SPRY3: variants seen among roughly 807,000 people sequenced by gnomAD.
SPRY3 encodes protein sprouty homolog 3.
SPRY3 carries 15 observed loss-of-function variants against 20.2 expected under a neutral mutation model. The ratio of observed to expected loss-of-function variants is 0.74; its 90% confidence interval spans 0.50 to 1.14. SPRY3 has a LOEUF of 1.14. SPRY3 is among the 50% of genes most tolerant of loss of function. The pLI is 0.00. For missense variants in SPRY3, 364 were observed against 363.9 expected (o/e 1.00, Z 0.00); for synonymous variants, 143 against 136.5 (o/e 1.05, Z -0.33).
intron 2 of SPRY3, among the ~76,000 whole-genome samples, chrX:155,753,234 C>T (rs2124584724): frequency 6.6e-6 from 1 of 152,000 alleles, no homozygotes; most frequent in Admixed American, 6.6e-5. Flanking sequence ...AAACCCTGTA[C>T]CCATTAGAAG....
chrX:155,725,587 A>T (rs1159119047), intron 2 of SPRY3, among the ~76,000 whole-genome samples: 1 of 152,140 alleles, frequency 6.6e-6, no homozygotes, highest in Non-Finnish European at 1.5e-5. Context: ...TTTCTTCTAG[A>T]TTTAATAGAT....
intron 2 of SPRY3, among the ~76,000 whole-genome samples, chrX:155,696,520 A>G (rs1455812939): frequency 8.9e-6 from 1 of 111,854 alleles, no homozygotes; most frequent in Non-Finnish European, 1.9e-5. Context: ...TTTCATTTGC[A>G]TAATCTTTTC....
rs762050828 is a variant in SPRY3, at chrX:155,767,372, C to G, written c.-281-590C>G. 3.9e-5 allele frequency among the ~76,000 whole-genome samples: 6 copies of G among 152,220 alleles called. No individual in the cohort carries two copies. The South Asian group carries it at 1.3e-3, about 32-fold the overall frequency. On this transcript the variant is annotated intron_variant, in intron 2 of 3. Coordinates refer to ENST00000675360, the Ensembl canonical transcript of SPRY3. ...CTAAGCTGAACACACTGCCAACTCA[C>G]TCCCTGCCCCCACTGCAGATTATAT...
At chrX:155,695,301 GTCTCTATGGGTTATC>G (rs2068115307) in intron 2 of SPRY3, among the ~76,000 whole-genome samples, 1 of 111,137 alleles carries the variant, frequency 9.0e-6, no homozygotes, top group South Asian at 3.8e-4. Flanking sequence ...TCATTTCATT[GTCTCTATGGGTTATC>G]TCTCTATGGG....
chrX:155,766,480 G>C (rs1351181231), intron 2 of SPRY3, among the ~76,000 whole-genome samples: 4 of 152,162 alleles, frequency 2.6e-5, no homozygotes, highest in Non-Finnish European at 5.9e-5. Flanking sequence ...ACTCTGAACT[G>C]TCACCATTTA....
chrX:155,742,584 T>C (rs985218330), intron 2 of SPRY3, among the ~76,000 whole-genome samples: 1 of 152,136 alleles, frequency 6.6e-6, no homozygotes, highest in African/African-American at 2.4e-5. Flanking sequence ...ATTGATCACA[T>C]AATTGTAAGT....
chrX:155,697,463 C>T (rs900098620), intron 2 of SPRY3, among the ~76,000 whole-genome samples: 1 of 108,687 alleles, frequency 9.2e-6, no homozygotes, highest in African/African-American at 3.4e-5. Context: ...CCTCCACAAA[C>T]ACACGAGCCA....
intron 2 of SPRY3, among the ~76,000 whole-genome samples, chrX:155,673,506 TCA>T (rs1311839358): frequency 8.9e-6 from 1 of 111,787 alleles, no homozygotes; most frequent in East Asian, 2.8e-4. Context: ...CTGAAGTTTG[TCA>T]GAAATGCTGC....
chrX:155,750,822 A>G (rs1264145363), intron 2 of SPRY3, among the ~76,000 whole-genome samples: 2 of 151,928 alleles, frequency 1.3e-5, no homozygotes, highest in Non-Finnish European at 2.9e-5. Flanking sequence ...GTTAATGGTC[A>G]TGAATTTAAA....
At chrX:155,725,955 T>C (rs1484562580) in intron 2 of SPRY3, among the ~76,000 whole-genome samples, 1 of 152,224 alleles carries the variant, frequency 6.6e-6, no homozygotes, top group Admixed American at 6.5e-5. Context: ...TGTGGGCATT[T>C]AGTGCTATAA....
At chrX:155,711,873 G>C (rs1454482846) in intron 2 of SPRY3, among the ~76,000 whole-genome samples, 1 of 151,170 alleles carries the variant, frequency 6.6e-6, no homozygotes, top group South Asian at 2.1e-4. Context: ...TGCTTTTGCT[G>C]TATCCCTTAG....
intron 1 of SPRY3, among the ~76,000 whole-genome samples, chrX:155,628,804 T>C (rs894858013): frequency 8.9e-6 from 1 of 111,832 alleles, no homozygotes. Flanking sequence ...CCAACACTTG[T>C]TATCTTTTGT....
At chrX:155,717,107 C>T (rs372813320) in intron 2 of SPRY3, among the ~76,000 whole-genome samples, 1 of 142,934 alleles carries the variant, frequency 7.0e-6, no homozygotes, top group Admixed American at 7.1e-5. Context: ...TGCAGTGAGC[C>T]GAGATCACAC....
intron 3 of SPRY3, among the ~76,000 whole-genome samples, chrX:155,771,945 A>G (rs1179474448): frequency 6.6e-6 from 1 of 152,166 alleles, no homozygotes; most frequent in Non-Finnish European, 1.5e-5. Context: ...ACAGACCATA[A>G]TGGCTCAAGG....
chrX:155,706,510 TA>T (rs2090952242), intron 2 of SPRY3, among the ~76,000 whole-genome samples: 1 of 150,344 alleles, frequency 6.7e-6, no homozygotes, highest in Non-Finnish European at 1.5e-5. Flanking sequence ...AAAAAATCAA[TA>T]AAGTTTAAAA....
chrX:155,619,223 G>GT (rs1557349191), intron 1 of SPRY3, among the ~76,000 whole-genome samples: 1 of 111,065 alleles, frequency 9.0e-6, no homozygotes, highest in African/African-American at 3.3e-5. Flanking sequence ...TGAAATTTAG[G>GT]TTGAAGTTCA....
chrX:155,674,020 AT>A (rs1226808978), intron 2 of SPRY3, among the ~76,000 whole-genome samples: 2 of 112,132 alleles, frequency 1.8e-5, no homozygotes, highest in Admixed American at 9.5e-5. Context: ...CCACGGACTA[AT>A]TCCTAGTGAC....
intron 2 of SPRY3, among the ~76,000 whole-genome samples, chrX:155,698,923 G>T (rs187297031): frequency 9.0e-6 from 1 of 111,377 alleles, no homozygotes; most frequent in Non-Finnish European, 1.9e-5. Flanking sequence ...CCTAATAAGT[G>T]GTATCCACAT....
intron 1 of SPRY3, among the ~76,000 whole-genome samples, chrX:155,625,052 T>C (rs2067883892): frequency 8.9e-6 from 1 of 111,971 alleles, no homozygotes; most frequent in South Asian, 3.6e-4. Flanking sequence ...TAAAAGGAGC[T>C]ATTAACTTTA....
Sources: gnomAD v4.1 joint callset for allele counts (sites outside exome capture counted in the v4.1 genomes callset) on GRCh38, gnomAD v4.1.1 for gene constraint, MANE v1.5 for transcripts, NCBI Gene and HGNC (gene_info 2026-07-23, HGNC 2026-07-21) for gene names.